SUMF2: variants seen among roughly 807,000 people sequenced by gnomAD.
The protein encoded by SUMF2 is sulfatase modifying factor 2, also known as inactive C-alpha-formylglycine-generating enzyme 2.
Under a neutral mutation model 44.8 loss-of-function variants are expected in SUMF2, and 45 were observed. The ratio of observed to expected loss-of-function variants is 1.00; its 90% CI spans 0.79 to 1.29. The LOEUF (loss-of-function observed/expected upper bound fraction) is 1.29, where lower values mean the gene tolerates loss of function less well. Ranked by LOEUF, SUMF2 falls within the 50% of genes most tolerant of loss-of-function variation. The pLI is 0.00. For missense variants in SUMF2, 418 were observed against 389.9 expected (o/e 1.07, Z -0.61); for synonymous variants, 148 against 150.4 (o/e 0.98, Z 0.12).
chr7:56,080,995 G>C (rs1265820443), downstream of SUMF2: 4 of 1,594,374 alleles, frequency 2.5e-6, no homozygotes, highest in Non-Finnish European at 3.4e-6. Context: ...CCTTTGACTT[G>C]TATTTCCATG....
At position 56,074,639 on chromosome 7, in the gene SUMF2, C is replaced by A. The variant is rs750392047; in HGVS notation, c.438C>A (p.His146Gln). 3.1e-6 allele frequency: 5 copies of A among 1,614,052 alleles called. No individual in the cohort carries two copies. The highest frequency in any genetic ancestry group is 2.7e-5 in the African/African-American group (2 of 74,930). ...IRERLEHPVLHVSWNDARAYC... is the reference protein window; with the variant it reads ...IRERLEHPVLQVSWNDARAYC... ...AGAGACTGGAGCACCCAGTGTTACA[C>A]GTGAGCTGGAATGACGCCCGTGCCT... The change falls in exon 5 of 9, where the codon CAC becomes CAA. Residue 146 changes from histidine to glutamine, a missense_variant. Coordinates refer to ENST00000434526, the MANE Select transcript of SUMF2 (RefSeq NM_015411.4).
At chr7:56,073,321 C>G in intron 3 of SUMF2, 1 of 619,174 alleles carries the variant, frequency 1.6e-6, no homozygotes, top group Non-Finnish European at 3.0e-6. Flanking sequence ...GCCTAAATGT[C>G]CAAGTCAGGA....
the SUMF2 span, chr7:56,087,108 C>T: frequency 1.0e-6 from 1 of 971,844 alleles, no homozygotes; most frequent in Admixed American, 1.7e-5. Context: ...GGGACCGAGG[C>T]TGCTGTGGGC....
At chr7:56,065,221 G>A (rs1193790713) in intron 1 of SUMF2, among the ~76,000 whole-genome samples, 4 of 150,532 alleles carry the variant, frequency 2.7e-5, no homozygotes, top group Non-Finnish European at 5.9e-5. Flanking sequence ...AAGGAAAAAG[G>A]AGAATATAAC....
In SUMF2 at chr7:56,070,817, C is replaced by T. The variant is rs138377184; in HGVS notation, c.224+2179C>T. On this transcript the variant is annotated intron_variant, in intron 2 of 8. Transcript: ENST00000434526. ...GTCCATACAATAAGATACTACTCATCGATAAAAAGGGACAGACTACTAATG... is the reference window on the plus strand; with the variant it reads ...GTCCATACAATAAGATACTACTCATTGATAAAAAGGGACAGACTACTAATG... 1.1e-4 allele frequency among the ~76,000 whole-genome samples: 17 copies of T among 152,016 alleles called. No homozygotes were observed. In the East Asian group the frequency reaches 2.5e-3, roughly 22 times the overall value.
downstream of SUMF2, chr7:56,083,169 T>G: frequency 1.0e-6 from 1 of 974,124 alleles, no homozygotes. Context: ...GTGGAATTTT[T>G]ATTCCAGGGA....
chr7:56,080,983 C>T (rs1254446579), downstream of SUMF2: 17 of 1,569,860 alleles, frequency 1.1e-5, no homozygotes, highest in East Asian at 3.6e-4. Context: ...ACGCATCTCA[C>T]CCCTTTGACT....
chr7:56,066,200 AGG>A, intron 1 of SUMF2, among the ~76,000 whole-genome samples: 1 of 151,982 alleles, frequency 6.6e-6, no homozygotes, highest in East Asian at 1.9e-4. Context: ...TAGGATCTTG[AGG>A]AACATCAAAA....
downstream of SUMF2, chr7:56,082,289 G>A: frequency 6.5e-7 from 1 of 1,542,750 alleles, no homozygotes; most frequent in Non-Finnish European, 8.9e-7. Flanking sequence ...AGGTCAGCAG[G>A]GCACTCAGAA....
chr7:56,083,365 C>T (rs764892940), downstream of SUMF2: 54 of 1,614,038 alleles, frequency 3.3e-5, no homozygotes, highest in African/African-American at 9.3e-5. Flanking sequence ...AGAATGTTCT[C>T]GGGCTTCAGG....
downstream of SUMF2, chr7:56,081,867 A>G (rs1035982932): frequency 3.7e-6 from 6 of 1,612,372 alleles, no homozygotes; most frequent in Non-Finnish European, 4.2e-6. The surrounding 1 kb of genome is among the most constrained non-coding windows in gnomAD (Gnocchi z 4.6). Flanking sequence ...CCCTGAGCCC[A>G]GGAGCCAGTT....
At position 56,079,905 on chromosome 7, in the gene SUMF2, G is replaced by A. The variant is rs757903251; in HGVS notation, c.*293G>A. On this transcript the variant is annotated 3_prime_UTR_variant, in exon 9 of 9. Transcript: ENST00000434526. ...TGCAAACACACAAACAATTGGAACA[G>A]AGCACTCTGAAAGGCCATTTTTTAA... 52 of 1,485,732 alleles carry A rather than the reference G, an allele frequency of 3.5e-5. No individual in the cohort carries two copies. The African/African-American group carries it at 6.4e-4, about 18-fold the overall frequency. 92.0% of individuals were successfully genotyped at this position (1,485,732 alleles called of 1,614,324 possible).
At chr7:56,083,331 T>C, downstream of SUMF2, 8 of 1,614,152 alleles carry the variant, frequency 5.0e-6, no homozygotes, top group Non-Finnish European at 6.8e-6. Context: ...GTCTGTGAGC[T>C]TGATGTTCAT....
intron 2 of SUMF2, 116 bp from the exon 3 acceptor site, chr7:56,072,881 A>G: frequency 1.5e-6 from 1 of 684,824 alleles, no homozygotes. Flanking sequence ...GGCAATCATG[A>G]ACACTCTGTG....
At position 56,073,016 on chromosome 7, in the gene SUMF2, A is replaced by C. The variant is rs559862080; in HGVS notation, c.244A>C (p.Lys82Gln). Reference protein sequence around the residue: ...KDFRDFVREKKYRTEAEMFGW... With the variant: ...KDFRDFVREKQYRTEAEMFGW... ...TTATAGGGATTTTGTCAGGGAGAAA[A>C]AGTATCGGACAGAAGCTGAGATGTT... Residue 82 changes from lysine to glutamine, a missense_variant, in exon 3 of 9, where the codon AAG becomes CAG. Lys to Gln is a moderately conservative substitution (Grantham distance 53, BLOSUM62 1). Transcript: ENST00000434526. 2.9e-5 allele frequency: 46 copies of C among 1,613,966 alleles called. 1 individual carries two copies. The African/African-American group carries it at 3.7e-4, about 13-fold the overall frequency.
chr7:56,065,799 T>G lies in SUMF2; in HGVS notation c.67+1421T>G, dbSNP rs192138316. ...ATATATTTGTGAAAGAAACTGAAAA[T>G]GGGCCAGGTGAGGTGGCTCACGCTT... On this transcript the variant is annotated intron_variant, in intron 1 of 8. Transcript: ENST00000434526. Among the ~76,000 whole-genome samples the G allele has an allele frequency of 9.2e-5, 14 of 151,792 alleles. No individual in the cohort carries two copies. In the East Asian group the frequency reaches 2.5e-3, roughly 27 times the overall value.
chr7:56,074,014 CAAAAAA>C (rs56927689), intron 3 of SUMF2, 154 bp from the exon 4 acceptor site: 6,817 of 316,526 alleles, frequency 0.022, no homozygotes, highest in East Asian at 0.029. Flanking sequence ...GATCTTGTCT[CAAAAAA>C]AAAAAAAAAA....
intron 8 of SUMF2, chr7:56,079,236 G>C (rs1371594271): frequency 9.3e-6 from 5 of 535,970 alleles, no homozygotes; most frequent in Non-Finnish European, 1.7e-5. Flanking sequence ...TGCTAACATA[G>C]AAGTTAGTCA....
At chr7:56,074,242 A>G (rs772312478) in intron 4 of SUMF2, 24 bp downstream of exon 4, 5 of 1,609,808 alleles carry the variant, frequency 3.1e-6, no homozygotes. Context: ...CCGCTACCTC[A>G]TTTTCTACCC....
Sources: allele counts gnomAD v4.1 joint callset (sites outside exome capture counted in the v4.1 genomes callset), GRCh38; gene constraint gnomAD v4.1.1; non-coding constraint Gnocchi (gnomAD v3.1); transcripts MANE v1.5; gene names NCBI Gene and HGNC (gene_info 2026-07-23, HGNC 2026-07-21).